SMIM13: variants seen among roughly 807,000 people sequenced by gnomAD.
SMIM13 encodes UPF0766 protein C6orf228.
A neutral mutation model predicts 5.9 loss-of-function variants in SMIM13; 3 were observed. That is an observed-to-expected ratio of 0.51 (90% CI 0.23 to 1.31). The LOEUF is 1.31. Among genes scored for constraint, SMIM13 ranks in the 40% most tolerant of loss-of-function variants. The pLI is 0.18. For synonymous variants in SMIM13, 55 were observed against 46.0 expected (o/e 1.19, Z -0.79); for missense variants, 85 against 109.9 (o/e 0.77, Z 1.01).
chr6:11,096,246 G>C (rs1268790045), intron 1 of SMIM13, among the ~76,000 whole-genome samples: 1 of 152,160 alleles, frequency 6.6e-6, no homozygotes, highest in Non-Finnish European at 1.5e-5. Context: ...TCAGGCATTA[G>C]TTAGATTCTC....
intron 1 of SMIM13, chr6:11,102,944 G>C (rs1758017269): frequency 1.3e-5 from 2 of 152,228 alleles, no homozygotes; most frequent in African/African-American, 2.4e-5. Flanking sequence ...CGGGTGACTT[G>C]AGAGATCCAA....
chr6:11,130,042 T>C (rs79808030), intron 1 of SMIM13, among the ~76,000 whole-genome samples: 1,669 of 152,238 alleles, frequency 0.011, 23 homozygotes, highest in African/African-American at 0.037. Context: ...CAGATCTTAC[T>C]AGTCCTAAGT....
chr6:11,134,083 C>G (rs1388159895), intron 1 of SMIM13, among the ~76,000 whole-genome samples: 2 of 151,202 alleles, frequency 1.3e-5, no homozygotes, highest in African/African-American at 4.9e-5. Flanking sequence ...CTTTCTTTCC[C>G]AGAAAAATGC....
chr6:11,113,976 G>GTT (rs70991084), intron 1 of SMIM13, among the ~76,000 whole-genome samples: 32 of 144,326 alleles, frequency 2.2e-4, no homozygotes, highest in South Asian at 8.8e-4. Context: ...TATTCTTTTT[G>GTT]TTTTTTTTTT....
intron 1 of SMIM13, among the ~76,000 whole-genome samples, chr6:11,125,367 G>T (rs537191199): frequency 6.7e-6 from 1 of 149,262 alleles, no homozygotes; most frequent in African/African-American, 2.5e-5. Flanking sequence ...AGGCCAAGGC[G>T]GGTGGATCCC....
Position 11,095,933 on chromosome 6 carries a change from A to G in SMIM13, c.76+1544A>G, listed in dbSNP as rs1016412903. 4.6e-5 allele frequency among the ~76,000 whole-genome samples: 7 copies of G among 152,214 alleles called. No individual in the cohort carries two copies. In the East Asian group the frequency reaches 7.7e-4, roughly 17 times the overall value. On this transcript the variant is annotated intron_variant, in intron 1 of 1. Coordinates refer to ENST00000416247, the MANE Select transcript of SMIM13 (RefSeq NM_001135575.2). ...GTTTGAAAATGCGAGCTACCTGGACATGGGAATGAATGTGACACGTAGACC... is the reference window on the plus strand; with the variant it reads ...GTTTGAAAATGCGAGCTACCTGGACGTGGGAATGAATGTGACACGTAGACC...
intron 1 of SMIM13, among the ~76,000 whole-genome samples, chr6:11,130,447 C>G (rs1197488797): frequency 6.6e-6 from 1 of 152,080 alleles, no homozygotes; most frequent in Admixed American, 6.6e-5. Context: ...GAGAAAAATG[C>G]ATACTGTTCA....
At chr6:11,105,465 G>T in intron 1 of SMIM13, 1 of 608,716 alleles carries the variant, frequency 1.6e-6, no homozygotes, top group Non-Finnish European at 2.9e-6. Context: ...GATGTTGGTG[G>T]GGCATTACTT....
At chr6:11,120,505 C>G (rs941879257) in intron 1 of SMIM13, among the ~76,000 whole-genome samples, 1 of 152,144 alleles carries the variant, frequency 6.6e-6, no homozygotes, top group Non-Finnish European at 1.5e-5. Flanking sequence ...CATGAGGACT[C>G]CACCCTATGA....
chr6:11,099,937 TTAAA>T (rs560711018), intron 1 of SMIM13, among the ~76,000 whole-genome samples: 20 of 152,236 alleles, frequency 1.3e-4, no homozygotes, highest in Non-Finnish European at 2.6e-4. Flanking sequence ...TCTCTGCTGG[TTAAA>T]TAGTGTAATA....
intron 1 of SMIM13, chr6:11,103,626 G>A: frequency 6.8e-7 from 1 of 1,476,230 alleles, no homozygotes; most frequent in Non-Finnish European, 9.0e-7. Context: ...ATCCAGCCAG[G>A]TCCACGGGAG....
intron 1 of SMIM13, among the ~76,000 whole-genome samples, chr6:11,117,165 ATT>A (rs34579750): frequency 1.9e-3 from 128 of 69,004 alleles, no homozygotes; most frequent in African/African-American, 5.8e-3. Context: ...TAATTTTTGT[ATT>A]TTTTTTTTTT....
intron 1 of SMIM13, among the ~76,000 whole-genome samples, chr6:11,112,889 C>T (rs1758188844): frequency 6.6e-6 from 1 of 152,158 alleles, no homozygotes; most frequent in South Asian, 2.1e-4. Context: ...CTCACTGCAA[C>T]CTTTGCCTCC....
At chr6:11,110,080 TAAAG>T (rs538848144) in intron 1 of SMIM13, among the ~76,000 whole-genome samples, 150 of 152,286 alleles carry the variant, frequency 9.8e-4, no homozygotes, top group African/African-American at 3.3e-3. Flanking sequence ...TACCCGTTTG[TAAAG>T]AAAGAACAGA....
intron 1 of SMIM13, among the ~76,000 whole-genome samples, chr6:11,124,852 T>G (rs4713194): frequency 0.77 from 117,470 of 152,138 alleles, 46,134 homozygotes; most frequent in African/African-American, 0.91. Flanking sequence ...ACTCCTTTTA[T>G]CACTTGTAGG....
In SMIM13 at chr6:11,117,203, G is replaced by A. The variant is rs1216112886; in HGVS notation, c.77-17200G>A. Among the ~76,000 whole-genome samples the A allele has an allele frequency of 1.2e-4, 15 of 121,200 alleles. No homozygotes were observed. In the East Asian group the frequency reaches 2.1e-3, roughly 17 times the overall value. 79.5% of individuals were successfully genotyped at this position (121,200 alleles called of 152,430 possible). A position where few individuals can be genotyped will look rare whatever the true frequency, so the allele number is the denominator to read the frequency against. On this transcript the variant is annotated intron_variant, in intron 1 of 1. Coordinates refer to ENST00000416247, the MANE Select transcript of SMIM13 (RefSeq NM_001135575.2). The stretch of plus-strand genomic sequence containing the variant: ...TTTTGAGACGGAGTCTCGCTCTGTC[G>A]CCCAGGCTGGAGTGCAGTGGCGGGA...
rs1758539024 is a variant in SMIM13 at position 11,138,200 on chromosome 6, G to C, written c.*3598G>C. The C allele has an allele frequency of 6.6e-6, 1 of 152,134 alleles. No individual in the cohort carries two copies. The highest frequency in any genetic ancestry group is 1.5e-5 in the Non-Finnish European group (1 of 68,008). 9.4% of individuals were successfully genotyped at this position (152,134 alleles called of 1,614,324 possible). A position where few individuals can be genotyped will look rare whatever the true frequency, so the allele number is the denominator to read the frequency against. ...TTGAGGTTGACTTTAAAAAGCCATT[G>C]AGCAGTCCTCAGAGGTTATGGACTC... On this transcript the variant is annotated 3_prime_UTR_variant, in exon 2 of 2. Coordinates refer to ENST00000416247, the MANE Select transcript of SMIM13 (RefSeq NM_001135575.2).
chr6:11,113,214 C>G (rs1388958615), intron 1 of SMIM13, among the ~76,000 whole-genome samples: 2 of 152,186 alleles, frequency 1.3e-5, no homozygotes, highest in Non-Finnish European at 2.9e-5. Flanking sequence ...AACTTCATTT[C>G]TCTTGAGAAA....
At position 11,094,405 on chromosome 6, in the gene SMIM13, A is replaced by G. The variant is rs1170841507; in HGVS notation, c.76+16A>G. The G allele has an allele frequency of 6.5e-7, 1 of 1,531,324 alleles. No individual in the cohort carries two copies. The highest frequency in any genetic ancestry group is 1.2e-5 in the South Asian group (1 of 83,486). The allele number at this position is 1,531,324 out of a possible 1,614,324, so 94.9% of individuals were successfully genotyped here. A position where few individuals can be genotyped will look rare whatever the true frequency, so the allele number is the denominator to read the frequency against. On this transcript the variant is annotated intron_variant, in intron 1 of 1. Coordinates refer to ENST00000416247, the MANE Select transcript of SMIM13 (RefSeq NM_001135575.2). ...ATGGTGTGCGGTGAGTGGGGGCGGT[A>G]GCCGCGAGGCAGTTCCACACGCCGG...
Sources: gnomAD v4.1 joint callset for allele counts (sites outside exome capture counted in the v4.1 genomes callset) on GRCh38, gnomAD v4.1.1 for gene constraint, MANE v1.5 for transcripts, NCBI Gene and HGNC (gene_info 2026-07-23, HGNC 2026-07-21) for gene names.